Variants in TBCD observed in about 807,000 individuals in gnomAD.
TBCD encodes tubulin-specific chaperone D.
In TBCD, 105 loss-of-function variants were observed where a neutral mutation model predicts 169.3. That is an observed-to-expected ratio of 0.62 (90% confidence interval 0.53 to 0.73). The LOEUF (loss-of-function observed/expected upper bound fraction) is 0.73, where lower values mean the gene tolerates loss of function less well. TBCD is among the 30% of genes least tolerant of loss of function. The pLI is 0.00. For missense variants in TBCD, 1,444 were observed against 1,600.1 expected, an observed-to-expected ratio of 0.90 and a Z score of 1.66; for synonymous variants, 700 against 643.9, an observed-to-expected ratio of 1.09 and a Z score of -1.32.
chr17:82,847,610 ATTTG>A (rs1309193494), intron 13 of TBCD, among the ~76,000 whole-genome samples: 4 of 152,126 alleles, frequency 2.6e-5, no homozygotes, highest in African/African-American at 4.8e-5. Flanking sequence ...CTAAATTTTA[ATTTG>A]TTTGTACAAA....
chr17:82,834,547 C>A (rs549192182), intron 13 of TBCD, among the ~76,000 whole-genome samples: 2 of 152,260 alleles, frequency 1.3e-5, no homozygotes, highest in East Asian at 3.9e-4. Flanking sequence ...TAAAAAGGAA[C>A]GCGATCATGT....
At chr17:82,783,355 A>T (rs1371170232) in intron 7 of TBCD, among the ~76,000 whole-genome samples, 1 of 152,258 alleles carries the variant, frequency 6.6e-6, no homozygotes, top group African/African-American at 2.4e-5. Context: ...CAGATTCAGC[A>T]GTTTTCAAAA....
intron 26 of TBCD, 27 bp from the exon 27 acceptor site, chr17:82,924,912 C>G: frequency 6.5e-7 from 1 of 1,540,822 alleles, no homozygotes; most frequent in Non-Finnish European, 8.8e-7. Flanking sequence ...CAGAGGGCCT[C>G]TCTTCACACT....
chr17:82,848,825 G>A (rs191497222), intron 13 of TBCD, among the ~76,000 whole-genome samples: 152 of 151,540 alleles, frequency 1.0e-3, no homozygotes, highest in Middle Eastern at 6.8e-3. Context: ...GCTCTGCTGC[G>A]TCTTCTCCAC....
chr17:82,937,898 C>T (rs1301198865), intron 35 of TBCD, 151 bp from the exon 36 acceptor site: 1 of 1,529,984 alleles, frequency 6.5e-7, no homozygotes, highest in Non-Finnish European at 8.8e-7. Flanking sequence ...GATGTACGCA[C>T]ACACACACCT....
intron 7 of TBCD, among the ~76,000 whole-genome samples, chr17:82,796,309 G>C (rs11651441): frequency 1.3e-5 from 2 of 152,222 alleles, no homozygotes; most frequent in Non-Finnish European, 2.9e-5. Flanking sequence ...TATTAAATTA[G>C]ATACATCTGG....
chr17:82,889,292 G>A lies in TBCD; in HGVS notation c.1534-376G>A, dbSNP rs561184848. On this transcript the variant is annotated intron_variant, in intron 15 of 38. Transcript: ENST00000355528. The surrounding 1 kb of genome is among the most constrained non-coding windows in gnomAD (Gnocchi z 5.3). ...CCCTGGAGGGCGGCACGTGGTGCCA[G>A]TTGGTGACCATGAGCTGCCTCACTC... Among the ~76,000 whole-genome samples the A allele has an allele frequency of 1.1e-3, 173 of 152,278 alleles. No homozygotes were observed. Among genetic ancestry groups the A allele is most frequent in the Admixed American group, 2.3e-3 (35 of 15,308 alleles).
At chr17:82,771,760 G>T (rs1233820694) in intron 5 of TBCD, among the ~76,000 whole-genome samples, 1 of 152,060 alleles carries the variant, frequency 6.6e-6, no homozygotes, top group Non-Finnish European at 1.5e-5. Flanking sequence ...CAGCCTGGGT[G>T]ACAGAGCGAG....
intron 9 of TBCD, among the ~76,000 whole-genome samples, chr17:82,804,522 G>A (rs1443287717): frequency 3.3e-5 from 5 of 152,344 alleles, no homozygotes; most frequent in African/African-American, 7.2e-5. Flanking sequence ...GGCCACTGCC[G>A]TCTCAAGGCC....
intron 13 of TBCD, among the ~76,000 whole-genome samples, chr17:82,868,213 T>C (rs903403629): frequency 1.3e-5 from 2 of 152,088 alleles, no homozygotes; most frequent in Non-Finnish European, 2.9e-5. Context: ...GGGCTGGCCA[T>C]GGCGGGGGCA....
chr17:82,870,202 C>G, intron 13 of TBCD, 22 bp from the exon 14 acceptor site: 1 of 1,612,260 alleles, frequency 6.2e-7, no homozygotes, highest in Non-Finnish European at 8.5e-7. Context: ...TCCTCACCGT[C>G]TTTTCTCTTG....
At position 82,831,768 on chromosome 17, in the gene TBCD, C is replaced by T. The variant is rs1292125456; in HGVS notation, c.1318+16834C>T. ...TGGGGTGCATGTAAGGGGAAATGGC[C>T]CCAAGCCCCTTTGTAGATGAGATTT... On this transcript the variant is annotated intron_variant, in intron 13 of 38. Coordinates refer to ENST00000355528, the MANE Select transcript of TBCD (RefSeq NM_005993.5). The surrounding 1 kb of genome is among the most constrained non-coding windows in gnomAD (Gnocchi z 4.6). 1 of 1,614,104 alleles carries T rather than the reference C, an allele frequency of 6.2e-7. No homozygotes were observed. Among genetic ancestry groups the T allele is most frequent in the South Asian group, 1.1e-5 (1 of 91,084 alleles).
intron 23 of TBCD, among the ~76,000 whole-genome samples, chr17:82,917,913 G>A (rs1388264883): frequency 6.6e-6 from 1 of 152,180 alleles, no homozygotes; most frequent in Non-Finnish European, 1.5e-5. Context: ...TCAGGTCTTC[G>A]TGAGCTCTCT....
chr17:82,884,149 C>T lies in TBCD; in HGVS notation c.1480C>T (p.Leu494=). ...KPFVTAISSA[L]VIAAVFDRDI... is the part of the protein sequence containing the mutation. The stretch of plus-strand genomic sequence containing the variant: ...AATCCTTTCTCTTTTTCACAGTGCA[C>T]TGGTGATTGCTGCGGTGTTTGACCG... The change falls in exon 15 of 39, where the codon CTG becomes TTG. Residue 494 remains leucine, a synonymous_variant. Coordinates refer to ENST00000355528, the MANE Select transcript of TBCD (RefSeq NM_005993.5). The surrounding 1 kb of genome is among the most constrained non-coding windows in gnomAD (Gnocchi z 4.2). 2 of 1,609,080 alleles carry T rather than the reference C, an allele frequency of 1.2e-6. No homozygotes were observed. Among genetic ancestry groups the T allele is most frequent in the Non-Finnish European group, 1.7e-6 (2 of 1,177,394 alleles).
Position 82,804,810 on chromosome 17 carries a change from G to A in TBCD, c.951-1065G>A, listed in dbSNP as rs79957762. On this transcript the variant is annotated intron_variant, in intron 9 of 38. Coordinates refer to ENST00000355528, the MANE Select transcript of TBCD (RefSeq NM_005993.5). The stretch of plus-strand genomic sequence containing the variant: ...ACCCCGTGTGAGAGGAACGCTAGGC[G>A]GTGGGGGTCGTGGGCTGTCTTGGAA... Among the ~76,000 whole-genome samples the A allele has an allele frequency of 7.7e-3, 1,172 of 152,328 alleles. 14 individuals are homozygous for A. The highest frequency in any genetic ancestry group is 0.027 in the African/African-American group (1,123 of 41,568).
chr17:82,870,265 C>A lies in TBCD; in HGVS notation c.1360C>A (p.Arg454=), dbSNP rs572172021. 79 of 1,613,510 alleles carry A rather than the reference C, an allele frequency of 4.9e-5. No homozygotes were observed. In the South Asian group the frequency reaches 8.1e-4, roughly 17 times the overall value. The change falls in exon 14 of 39, where the codon CGG becomes AGG. Residue 454 remains arginine (R), a synonymous_variant. Coordinates refer to ENST00000355528, the MANE Select transcript of TBCD (RefSeq NM_005993.5). Reference sequence around the variant, plus strand: ...GAAGGCGCTGACCTACGACGAGAAGCGGGGTGCCTGCAGCGTGGGCACCAA... The same window carrying A: ...GAAGGCGCTGACCTACGACGAGAAGAGGGGTGCCTGCAGCGTGGGCACCAA... The part of the protein sequence containing the change: ...ILKALTYDEK[R]GACSVGTNVR...
At chr17:82,766,116 G>A (rs969212653) in intron 3 of TBCD, 151 bp from the exon 4 acceptor site, 6 of 649,506 alleles carry the variant, frequency 9.2e-6, no homozygotes, top group African/African-American at 5.5e-5. Flanking sequence ...GGGTGACTAC[G>A]GTCTTACTAA....
chr17:82,805,349 G>C (rs535462359), intron 9 of TBCD, among the ~76,000 whole-genome samples: 1 of 152,346 alleles, frequency 6.6e-6, no homozygotes, highest in East Asian at 1.9e-4. Context: ...GTGTCCAGGG[G>C]ATGACAATGC....
chr17:82,893,477 T>C (rs2059284798), intron 16 of TBCD, 70 bp from the exon 17 acceptor site: 2 of 1,250,364 alleles, frequency 1.6e-6, no homozygotes, highest in East Asian at 2.5e-5. Flanking sequence ...TGGATGTGAT[T>C]ATTGAACTTG....
Sources: allele counts gnomAD v4.1 joint callset (sites outside exome capture counted in the v4.1 genomes callset), GRCh38; gene constraint gnomAD v4.1.1; non-coding constraint Gnocchi (gnomAD v3.1); transcripts MANE v1.5; gene names NCBI Gene and HGNC (gene_info 2026-07-23, HGNC 2026-07-21).